The following SORCS3 variants were observed in gnomAD, a reference collection of about 807,000 sequenced individuals.
The protein encoded by SORCS3 is sortilin related VPS10 domain containing receptor 3.
SORCS3 carries 57 observed loss-of-function variants against 146.3 expected under a neutral mutation model. That is an observed-to-expected ratio of 0.39 (90% CI 0.31 to 0.49). The LOEUF (loss-of-function observed/expected upper bound fraction) is 0.49. SORCS3 is among the 20% of genes least tolerant of loss of function. SORCS3 has a pLI of 0.92. For synonymous variants in SORCS3, 653 were observed against 618.5 expected, an observed-to-expected ratio of 1.06 and a Z score of -0.83; for missense variants, 1,341 against 1,575.5, an observed-to-expected ratio of 0.85 and a Z score of 2.52.
chr10:105,242,608 TTA>T (rs1488956291), intron 20 of SORCS3, among the ~76,000 whole-genome samples: 4 of 96,224 alleles, frequency 4.2e-5, no homozygotes, highest in Non-Finnish European at 5.4e-5. Flanking sequence ...TTATATACAT[TTA>T]TATATATTTA....
chr10:105,139,838 C>G (rs184787090), intron 8 of SORCS3, among the ~76,000 whole-genome samples: 343 of 152,274 alleles, frequency 2.3e-3, no homozygotes, highest in Non-Finnish European at 3.8e-3. Context: ...CCAAACTCAG[C>G]AGGAGGACAG....
chr10:104,888,040 G>A lies in SORCS3; in HGVS notation c.696-27793G>A, dbSNP rs1319217879. ...TTCTAAGAGTTTGGGTTTATGGTGT[G>A]TTTTTTTTGAAGGCAGTTGGGAAGC... On this transcript the variant is annotated intron_variant, in intron 2 of 26. Transcript: ENST00000369701. Among the ~76,000 whole-genome samples the A allele has an allele frequency of 2.7e-5, 4 of 148,048 alleles. No homozygotes were observed. The East Asian group carries it at 5.9e-4, about 22-fold the overall frequency.
chr10:104,722,860 C>T (rs2016567965), intron 1 of SORCS3, among the ~76,000 whole-genome samples: 1 of 151,736 alleles, frequency 6.6e-6, no homozygotes, highest in Non-Finnish European at 1.5e-5. Context: ...CTATTTGATT[C>T]TTCTCTCTTT....
chr10:104,846,896 T>G (rs1458795160), intron 2 of SORCS3, among the ~76,000 whole-genome samples: 1 of 152,184 alleles, frequency 6.6e-6, no homozygotes, highest in Non-Finnish European at 1.5e-5. Flanking sequence ...AGGCTGAGAT[T>G]AGGAGCACTC....
chr10:105,262,289 C>T, intron 25 of SORCS3, 42 bp from the exon 26 acceptor site: 3 of 1,584,170 alleles, frequency 1.9e-6, no homozygotes, highest in Non-Finnish European at 2.6e-6. Flanking sequence ...AAGTTTGGCA[C>T]ACCCTGTGAT....
At chr10:104,698,152 T>G (rs941366100) in intron 1 of SORCS3, among the ~76,000 whole-genome samples, 1 of 152,160 alleles carries the variant, frequency 6.6e-6, no homozygotes, top group South Asian at 2.1e-4. Flanking sequence ...TTCAAAGCAC[T>G]CTGTCATTTC....
chr10:104,867,290 G>A (rs1269762093), intron 2 of SORCS3, among the ~76,000 whole-genome samples: 1 of 151,870 alleles, frequency 6.6e-6, no homozygotes, highest in Non-Finnish European at 1.5e-5. Context: ...GGTGAGGAAA[G>A]TGAAATTCCC....
intron 4 of SORCS3, among the ~76,000 whole-genome samples, chr10:105,034,637 G>A (rs1162094402): frequency 1.3e-5 from 2 of 152,168 alleles, no homozygotes. Flanking sequence ...TTCCAGAGAG[G>A]AGGATACTGA....
At chr10:105,174,586 A>G (rs2056384666) in intron 13 of SORCS3, among the ~76,000 whole-genome samples, 1 of 152,150 alleles carries the variant, frequency 6.6e-6, no homozygotes, top group South Asian at 2.1e-4. Context: ...GTGTGAGAAT[A>G]AAGTGTTAGA....
rs201186042 is a variant in SORCS3 at position 104,770,668 on chromosome 10, A to AAT, written c.628-72112_628-72111dup. On this transcript the variant is annotated intron_variant, in intron 1 of 26. Coordinates refer to ENST00000369701, the MANE Select transcript of SORCS3 (RefSeq NM_014978.3). ...AACCCCATCTCTACCAAAAAAATAAAATATATATATATACATAGGCTGGGT... is the reference window on the plus strand; with the variant it reads ...AACCCCATCTCTACCAAAAAAATAAAATATATATATATATACATAGGCTGGGT... Among the ~76,000 whole-genome samples, 180 of 150,450 alleles carry AAT rather than the reference A, an allele frequency of 1.2e-3. 1 individual carries two copies. The highest frequency in any genetic ancestry group is 3.4e-3 in the Middle Eastern group (1 of 292).
intron 4 of SORCS3, among the ~76,000 whole-genome samples, chr10:105,007,416 A>G (rs989336309): frequency 2.6e-5 from 4 of 152,140 alleles, no homozygotes; most frequent in Admixed American, 6.6e-5. Context: ...TCAGAATCTC[A>G]TTTAATTCTT....
At chr10:105,188,685 T>C (rs2056494069) in intron 14 of SORCS3, among the ~76,000 whole-genome samples, 1 of 152,188 alleles carries the variant, frequency 6.6e-6, no homozygotes, top group Admixed American at 6.5e-5. Context: ...CATTTGTAAG[T>C]TATTGTGTAT....
rs149343313 is a variant in SORCS3, at chr10:105,249,651, C to G, written c.3105+2320C>G. 5.8e-3 allele frequency among the ~76,000 whole-genome samples: 876 copies of G among 152,134 alleles called. 8 individuals are homozygous for G. Among genetic ancestry groups the G allele is most frequent in the African/African-American group, 0.02 (838 of 41,514 alleles). ...AATCCTAGCACTTTGGGAGCCGAGGCAGGTGGATTGCCTGAGCTCAGGAGT... is the reference window on the plus strand; with the variant it reads ...AATCCTAGCACTTTGGGAGCCGAGGGAGGTGGATTGCCTGAGCTCAGGAGT... On this transcript the variant is annotated intron_variant, in intron 22 of 26. Transcript: ENST00000369701.
intron 1 of SORCS3, among the ~76,000 whole-genome samples, chr10:104,680,406 C>G (rs945287628): frequency 6.6e-6 from 1 of 152,224 alleles, no homozygotes; most frequent in African/African-American, 2.4e-5. Flanking sequence ...CTTTTCTCAA[C>G]CTAGTGAGTC....
At chr10:104,891,767 T>G (rs916039315) in intron 2 of SORCS3, among the ~76,000 whole-genome samples, 3 of 152,056 alleles carry the variant, frequency 2.0e-5, no homozygotes, top group African/African-American at 7.2e-5. Flanking sequence ...TCCAAAAAAG[T>G]GAGTTGTTGC....
intron 7 of SORCS3, among the ~76,000 whole-genome samples, chr10:105,116,037 G>A (rs1589640638): frequency 6.6e-6 from 1 of 152,288 alleles, no homozygotes; most frequent in East Asian, 1.9e-4. Context: ...TCAACAGCCA[G>A]CCCAAATGGA....
intron 5 of SORCS3, among the ~76,000 whole-genome samples, chr10:105,045,020 C>T (rs1177357123): frequency 1.5e-4 from 8 of 54,166 alleles, no homozygotes; most frequent in African/African-American, 3.0e-4. Flanking sequence ...GTCCAGAATT[C>T]GAAAAAAAAA....
At chr10:105,056,478 A>C (rs1040027508) in intron 5 of SORCS3, among the ~76,000 whole-genome samples, 1 of 152,186 alleles carries the variant, frequency 6.6e-6, no homozygotes, top group African/African-American at 2.4e-5. Flanking sequence ...GAAGCACCTC[A>C]CATGCCAGAT....
At chr10:104,747,392 A>C (rs578050233) in intron 1 of SORCS3, among the ~76,000 whole-genome samples, 1 of 152,304 alleles carries the variant, frequency 6.6e-6, no homozygotes, top group South Asian at 2.1e-4. Flanking sequence ...ATGAGGGTCT[A>C]TCCATGTTGA....
Sources: allele counts gnomAD v4.1 joint callset (sites outside exome capture counted in the v4.1 genomes callset), GRCh38; gene constraint gnomAD v4.1.1; transcripts MANE v1.5; gene names NCBI Gene and HGNC (gene_info 2026-07-23, HGNC 2026-07-21).